FGF18: variants seen among roughly 807,000 people sequenced by gnomAD.
FGF18 encodes fibroblast growth factor 18.
Under a neutral mutation model 23.0 loss-of-function variants are expected in FGF18, and 5 were observed. That is an observed-to-expected ratio of 0.22 (90% CI 0.11 to 0.46). FGF18 has a LOEUF of 0.46. Ranked by LOEUF, FGF18 falls within the 20% of genes least tolerant of loss-of-function variation. The pLI, the probability that FGF18 is intolerant of heterozygous loss-of-function variation, is 0.99. For synonymous variants in FGF18, 117 were observed against 118.9 expected (o/e 0.98, Z 0.10); for missense variants, 180 against 291.6 (o/e 0.62, Z 2.79).
At position 171,428,291 on chromosome 5, in the gene FGF18, C is replaced by G. The variant is rs1321751760; in HGVS notation, c.70-7802C>G. ...GACCGGGATCCAGACTGAATCCCCC[C>G]ACCCACTCATCTGTGCCAGGGGCTG... is the stretch of plus-strand genomic sequence containing the variant. On this transcript the variant is annotated intron_variant, in intron 2 of 4. Coordinates refer to ENST00000274625, the MANE Select transcript of FGF18 (RefSeq NM_003862.3). Among the ~76,000 whole-genome samples, 5 of 152,118 alleles carry G rather than the reference C, an allele frequency of 3.3e-5. No individual in the cohort carries two copies. In the East Asian group the frequency reaches 5.8e-4, roughly 18 times the overall value.
intron 3 of FGF18, among the ~76,000 whole-genome samples, chr5:171,447,480 C>CCA (rs2113358429): frequency 6.6e-6 from 1 of 152,210 alleles, no homozygotes; most frequent in Non-Finnish European, 1.5e-5. Context: ...TCAGTGTTGA[C>CCA]TAGGGCTGGG....
At chr5:171,424,483 A>T (rs1297700509) in intron 2 of FGF18, among the ~76,000 whole-genome samples, 1 of 152,232 alleles carries the variant, frequency 6.6e-6, no homozygotes, top group Non-Finnish European at 1.5e-5. Flanking sequence ...CGAGGCACAG[A>T]ATGAGGAAGG....
intron 2 of FGF18, among the ~76,000 whole-genome samples, chr5:171,430,686 G>T (rs1353408787): frequency 6.7e-6 from 1 of 148,482 alleles, no homozygotes; most frequent in African/African-American, 2.6e-5. Context: ...TACTCGGGAG[G>T]CTGAGGCAGG....
intron 2 of FGF18, among the ~76,000 whole-genome samples, chr5:171,421,745 G>C (rs1772009774): frequency 6.6e-6 from 1 of 152,192 alleles, no homozygotes; most frequent in African/African-American, 2.4e-5. Context: ...GGGATGGAAG[G>C]GTGGACGGAC....
rs192227307 is a variant in FGF18 at position 171,421,896 on chromosome 5, C to T, written c.69+1453C>T. Among the ~76,000 whole-genome samples, 316 of 151,908 alleles carry T rather than the reference C, an allele frequency of 2.1e-3. 1 individual carries two copies. The highest frequency in any genetic ancestry group is 7.4e-3 in the African/African-American group (305 of 41,420). ...TGGTGATGGGGGTGGGGGTGGGGAACGGCTGGTGTCAAAGAGGGAGGCCAG... is the reference window on the plus strand; with the variant it reads ...TGGTGATGGGGGTGGGGGTGGGGAATGGCTGGTGTCAAAGAGGGAGGCCAG... On this transcript the variant is annotated intron_variant, in intron 2 of 4. Coordinates refer to ENST00000274625, the MANE Select transcript of FGF18 (RefSeq NM_003862.3).
intron 3 of FGF18, among the ~76,000 whole-genome samples, chr5:171,448,717 C>T (rs1057040517): frequency 2.6e-5 from 4 of 151,892 alleles, no homozygotes; most frequent in Non-Finnish European, 5.9e-5. Context: ...TTTGTATGGC[C>T]GTCTGTCCTG....
At chr5:171,431,475 G>A (rs1227845862) in intron 2 of FGF18, among the ~76,000 whole-genome samples, 1 of 152,188 alleles carries the variant, frequency 6.6e-6, no homozygotes, top group Non-Finnish European at 1.5e-5. Flanking sequence ...ACCTTGGAAG[G>A]CTTGGGGGAG....
intron 2 of FGF18, among the ~76,000 whole-genome samples, chr5:171,427,158 G>T (rs111779186): frequency 0.12 from 17,473 of 149,524 alleles, 1,195 homozygotes; most frequent in Non-Finnish European, 0.16. Flanking sequence ...GGTGAGCCAA[G>T]ATCACGCCAC....
At position 171,451,607 on chromosome 5, in the gene FGF18, C is replaced by T. The variant is rs1239577303; in HGVS notation, c.357+2354C>T. Among the ~76,000 whole-genome samples the T allele has an allele frequency of 6.6e-6, 1 of 152,234 alleles. No homozygotes were observed. The highest frequency in any genetic ancestry group is 1.5e-5 in the Non-Finnish European group (1 of 68,030). On this transcript the variant is annotated intron_variant, in intron 4 of 4. Transcript: ENST00000274625. The surrounding 1 kb of genome is among the most constrained non-coding windows in gnomAD (Gnocchi z 4.5). ...CACCTTCGGCTTTCTACAGCACATA[C>T]GGCATTGGAGGGCGGCACATGACCT...
intron 4 of FGF18, among the ~76,000 whole-genome samples, chr5:171,452,582 G>A (rs1027453500): frequency 1.6e-4 from 25 of 152,094 alleles, no homozygotes; most frequent in African/African-American, 5.3e-4. Context: ...AGGAGGTGGC[G>A]CTTCCTTTCA....
intron 3 of FGF18, among the ~76,000 whole-genome samples, chr5:171,438,963 T>G (rs1346737406): frequency 6.6e-6 from 1 of 151,894 alleles, no homozygotes; most frequent in Non-Finnish European, 1.5e-5. Context: ...TGATGCAATC[T>G]GAGATGTACC....
rs1037144764 is a variant in FGF18, at chr5:171,456,116, T to C, written c.358-423T>C. 6.6e-6 allele frequency among the ~76,000 whole-genome samples: 1 copy of C among 152,154 alleles called. No individual in the cohort carries two copies. Among genetic ancestry groups the C allele is most frequent in the Non-Finnish European group, 1.5e-5 (1 of 68,028 alleles). The stretch of plus-strand genomic sequence containing the variant: ...TAGAGTCAGGCTCCTGAACCTTCTC[T>C]TATGCCCATCTGTGCACTTCTTTGT... On this transcript the variant is annotated intron_variant, in intron 4 of 4. Transcript: ENST00000274625. This position sits in a 1 kb window ranked among gnomAD's most constrained non-coding sequence, Gnocchi z 6.1.
intron 4 of FGF18, among the ~76,000 whole-genome samples, chr5:171,450,970 G>C (rs999725750): frequency 6.6e-6 from 1 of 151,960 alleles, no homozygotes; most frequent in African/African-American, 2.4e-5. Context: ...GCCCGCCCTC[G>C]CCGTCTGCGT....
In FGF18 at chr5:171,436,431, G is replaced by A. The variant is rs1336128314; in HGVS notation, c.250+158G>A. Among the ~76,000 whole-genome samples the A allele has an allele frequency of 6.6e-6, 1 of 152,202 alleles. No homozygotes were observed. Among genetic ancestry groups the A allele is most frequent in the Non-Finnish European group, 1.5e-5 (1 of 68,040 alleles). On this transcript the variant is annotated intron_variant, in intron 3 of 4. Coordinates refer to ENST00000274625, the MANE Select transcript of FGF18 (RefSeq NM_003862.3). This position sits in a 1 kb window ranked among gnomAD's most constrained non-coding sequence, Gnocchi z 4.4. ...GGGTCTGTTTCCTGATCTATAAAAT[G>A]GGGATGCAATAGTGAATCCTTGAGA...
At chr5:171,420,984 T>G (rs1771996652) in intron 2 of FGF18, among the ~76,000 whole-genome samples, 1 of 152,160 alleles carries the variant, frequency 6.6e-6, no homozygotes, top group Admixed American at 6.5e-5. Flanking sequence ...CTAGGCCGAG[T>G]GGCCGCTGCC....
At chr5:171,447,968 G>A (rs1369918526) in intron 3 of FGF18, among the ~76,000 whole-genome samples, 1 of 152,184 alleles carries the variant, frequency 6.6e-6, no homozygotes. Context: ...GGGGAGTCAG[G>A]CACAGCGGTT....
chr5:171,443,500 C>CTTTTTTT (rs766926286), intron 3 of FGF18, among the ~76,000 whole-genome samples: 908 of 70,284 alleles, frequency 0.013, 97 homozygotes, highest in Middle Eastern at 0.02. Context: ...CTGTTATCAT[C>CTTTTTTT]ATTTTTTTTT....
intron 2 of FGF18, among the ~76,000 whole-genome samples, chr5:171,429,007 C>CT (rs990256719): frequency 6.6e-6 from 1 of 152,196 alleles, no homozygotes; most frequent in Non-Finnish European, 1.5e-5. Flanking sequence ...ATTGATAGCC[C>CT]TGGGAGCATA....
rs7725569 is a variant in FGF18 at position 171,450,433 on chromosome 5, G to T, written c.357+1180G>T. On this transcript the variant is annotated intron_variant, in intron 4 of 4. Coordinates refer to ENST00000274625, the MANE Select transcript of FGF18 (RefSeq NM_003862.3). ...CCGGCACTGAACTGAAACGCTCCCA[G>T]TGAATCCCAGGAGGCTGCCACCGCT... Among the ~76,000 whole-genome samples the T allele has an allele frequency of 1.8e-3, 268 of 152,302 alleles. 1 individual carries two copies. The highest frequency in any genetic ancestry group is 6.0e-3 in the African/African-American group (248 of 41,572).
Sources: allele counts gnomAD v4.1 joint callset (sites outside exome capture counted in the v4.1 genomes callset), GRCh38; gene constraint gnomAD v4.1.1; non-coding constraint Gnocchi (gnomAD v3.1); transcripts MANE v1.5; gene names NCBI Gene and HGNC (gene_info 2026-07-23, HGNC 2026-07-21).